The following CUX2 variants were observed in gnomAD, a reference collection of about 807,000 sequenced individuals.
The protein encoded by CUX2 is cut like homeobox 2.
In CUX2, 40 loss-of-function variants were observed where a neutral mutation model predicts 144.8. The ratio of observed to expected loss-of-function variants is 0.28; its 90% CI spans 0.21 to 0.36. The LOEUF is 0.36. Among genes scored for constraint, CUX2 ranks in the 10% least tolerant of loss-of-function variants. The pLI, the probability that CUX2 is intolerant of heterozygous loss-of-function variation, is 1.00. For synonymous variants in CUX2, 827 were observed against 875.6 expected (o/e 0.94, Z 0.98); for missense variants, 1,615 against 1,994.0 (o/e 0.81, Z 3.62).
In CUX2 at chr12:111,349,580, A is replaced by ATCCCAGCCTCCAAATCTATCC. The variant is rs1888967774; in HGVS notation, c.*1259_*1279dup. 6.6e-6 allele frequency: 1 copy of ATCCCAGCCTCCAAATCTATCC among 152,216 alleles called. No homozygotes were observed. The highest frequency in any genetic ancestry group is 1.5e-5 in the Non-Finnish European group (1 of 68,064). The allele number at this position is 152,216 out of a possible 1,614,324, so 9.4% of individuals were successfully genotyped here. ...AAGTTCATCGCAGCATGTTCACCAT[A>ATCCCAGCCTCCAAATCTATCC]TCCCAGCCTCCAAATCTATCCTCCT... On this transcript the variant is annotated 3_prime_UTR_variant, in exon 22 of 22. Coordinates refer to ENST00000261726, the MANE Select transcript of CUX2 (RefSeq NM_015267.4).
At chr12:111,330,468 C>T (rs1317243573) in intron 18 of CUX2, among the ~76,000 whole-genome samples, 1 of 151,574 alleles carries the variant, frequency 6.6e-6, no homozygotes, top group Non-Finnish European at 1.5e-5. Context: ...CTCTCTGAAC[C>T]TCGGTTTCCT....
Position 111,320,095 on chromosome 12 carries a change from A to C in CUX2, c.2086A>C (p.Ile696Leu), listed in dbSNP as rs986728407. 68 of 1,557,800 alleles carry C rather than the reference A, an allele frequency of 4.4e-5. No homozygotes were observed. The Admixed American group carries it at 4.7e-4, about 11-fold the overall frequency. Residue 696 changes from isoleucine to leucine, a missense_variant, in exon 17 of 22, where the codon ATC becomes CTC. Physicochemically the swap from Ile to Leu is conservative, Grantham distance 5. Around this residue, in one of 12 missense-constraint regions of CUX2, gnomAD observed 390 missense variants for 387.1 expected, o/e 1.01. Coordinates refer to ENST00000261726, the MANE Select transcript of CUX2 (RefSeq NM_015267.4). The surrounding 1 kb of genome is among the most constrained non-coding windows in gnomAD (Gnocchi z 8.1). The part of the protein sequence containing the change: ...ASTSEDAIKS[I>L]LEQARREMQA... ...CACCTCGGAGGACGCCATCAAGAGC[A>C]TCCTGGAGCAGGCACGCCGTGAGAT...
chr12:111,262,334 T>G (rs1009119243), intron 3 of CUX2, among the ~76,000 whole-genome samples: 1 of 152,014 alleles, frequency 6.6e-6, no homozygotes, highest in Non-Finnish European at 1.5e-5. Flanking sequence ...CCAGGGACTT[T>G]CTCAGACTAA....
chr12:111,076,574 A>T (rs2136037057), intron 1 of CUX2, among the ~76,000 whole-genome samples: 1 of 152,312 alleles, frequency 6.6e-6, no homozygotes, highest in African/African-American at 2.4e-5. Flanking sequence ...AGCCAGTGGG[A>T]GCTTCTGTGC....
chr12:111,188,887 T>G (rs2136191393), intron 1 of CUX2, among the ~76,000 whole-genome samples: 1 of 152,264 alleles, frequency 6.6e-6, no homozygotes, highest in South Asian at 2.1e-4. Flanking sequence ...GAGGATGGGC[T>G]TTGTGGCCGT....
chr12:111,167,743 G>T (rs1455517541), intron 1 of CUX2, among the ~76,000 whole-genome samples: 1 of 152,044 alleles, frequency 6.6e-6, no homozygotes, highest in Non-Finnish European at 1.5e-5. Flanking sequence ...TGCCCAGGCT[G>T]GAGTGCAGTG....
chr12:111,348,052 C>T lies in CUX2; in HGVS notation c.4188C>T (p.Asn1396=), dbSNP rs998743011. 1 of 1,614,010 alleles carries T rather than the reference C, an allele frequency of 6.2e-7. No homozygotes were observed. The highest frequency in any genetic ancestry group is 1.3e-5 in the African/African-American group (1 of 74,904). ...GCTGCAGCCTGGAGGTGTCACTGAACTCGCCCTCGGCCGCCTCCTCACCAG... is the reference window on the plus strand; with the variant it reads ...GCTGCAGCCTGGAGGTGTCACTGAATTCGCCCTCGGCCGCCTCCTCACCAG... ...SSRCSLEVSL[N]SPSAASSPGL... Residue 1396 remains asparagine, a synonymous_variant, in exon 22 of 22, where the codon AAC becomes AAT. Transcript: ENST00000261726.
At chr12:111,269,452 G>A (rs1249675254) in intron 4 of CUX2, among the ~76,000 whole-genome samples, 2 of 152,136 alleles carry the variant, frequency 1.3e-5, no homozygotes, top group South Asian at 2.1e-4. Context: ...TGGACACTGG[G>A]AACACAGCTG....
intron 1 of CUX2, among the ~76,000 whole-genome samples, chr12:111,124,704 C>A (rs1427128514): frequency 2.6e-5 from 4 of 152,010 alleles, no homozygotes; most frequent in Non-Finnish European, 5.9e-5. Flanking sequence ...GCTTATCTTG[C>A]CTGATGCTGA....
In CUX2 at chr12:111,034,860, GGCCGCCGCC is replaced by G. The variant is rs956434405; in HGVS notation, c.63+630_63+638del. On this transcript the variant is annotated intron_variant, in intron 1 of 21. Transcript: ENST00000261726. This position sits in a 1 kb window ranked among gnomAD's most constrained non-coding sequence, Gnocchi z 4.2. ...CAGCCCGGACGCGCCGCCACCCGGG[GGCCGCCGCC>G]GCCGCCGCCAGAGCCGCCGCCGCCG... Among the ~76,000 whole-genome samples, 5 of 148,774 alleles carry G rather than the reference GGCCGCCGCC, an allele frequency of 3.4e-5. No individual in the cohort carries two copies. Among genetic ancestry groups the G allele is most frequent in the Admixed American group, 6.7e-5 (1 of 14,986 alleles).
rs553465969 is a variant in CUX2 at position 111,325,064 on chromosome 12, T to C, written c.2926+2484T>C. Among the ~76,000 whole-genome samples, 132 of 150,264 alleles carry C rather than the reference T, an allele frequency of 8.8e-4. 2 individuals carry two copies. Among genetic ancestry groups the C allele is most frequent in the African/African-American group, 3.1e-3 (128 of 40,722 alleles). Reference sequence around the variant, plus strand: ...ACTTTGGGAGGCTGAGGCAGGCGGATCACAAGGTCAGGAGATTGAGACCAT... The same window carrying C: ...ACTTTGGGAGGCTGAGGCAGGCGGACCACAAGGTCAGGAGATTGAGACCAT... On this transcript the variant is annotated intron_variant, in intron 18 of 21. Transcript: ENST00000261726.
intron 1 of CUX2, among the ~76,000 whole-genome samples, chr12:111,072,742 T>G (rs1205830051): frequency 1.3e-5 from 2 of 152,240 alleles, no homozygotes; most frequent in African/African-American, 4.8e-5. Context: ...TTACAGTCTC[T>G]GGTTCTATTT....
rs1196607634 is a variant in CUX2 at position 111,171,209 on chromosome 12, G to A, written c.64-42991G>A. On this transcript the variant is annotated intron_variant, in intron 1 of 21. Transcript: ENST00000261726. The surrounding 1 kb of genome is among the most constrained non-coding windows in gnomAD (Gnocchi z 5.0). ...CCCCCAGTCTGATGGACGGGGTGCA[G>A]AGTATGGAAGGAAAGCCTCGAGTTT... Among the ~76,000 whole-genome samples, 1 of 152,154 alleles carries A rather than the reference G, an allele frequency of 6.6e-6. No homozygotes were observed. Among genetic ancestry groups the A allele is most frequent in the Non-Finnish European group, 1.5e-5 (1 of 68,012 alleles).
chr12:111,327,379 G>A (rs555819234), intron 18 of CUX2, among the ~76,000 whole-genome samples: 5 of 152,096 alleles, frequency 3.3e-5, no homozygotes, highest in South Asian at 2.1e-4. Context: ...TCAGTTCTTC[G>A]AACATATATC....
intron 1 of CUX2, among the ~76,000 whole-genome samples, chr12:111,045,293 C>G (rs930932787): frequency 6.6e-6 from 1 of 152,138 alleles, no homozygotes; most frequent in African/African-American, 2.4e-5. Flanking sequence ...CCCAGTTTTT[C>G]TATCTAGAAT....
Position 111,334,634 on chromosome 12 carries a change from C to T in CUX2, c.3120C>T (p.Ile1040=), listed in dbSNP as rs1405869296. 1.2e-5 allele frequency: 20 copies of T among 1,613,884 alleles called. No individual in the cohort carries two copies. Among genetic ancestry groups the T allele is most frequent in the Non-Finnish European group, 1.5e-5 (18 of 1,180,022 alleles). ...AGGCCCCAGGGGGCATCCAGGAGAT[C>T]GTGGCCATGTCCCCCGAGCTGGACA... ...GSQAPGGIQE[I]VAMSPELDTY... The change falls in exon 19 of 22, where the codon ATC becomes ATT. Residue 1040 remains isoleucine (I), a synonymous_variant. Coordinates refer to ENST00000261726, the MANE Select transcript of CUX2 (RefSeq NM_015267.4).
intron 10 of CUX2, among the ~76,000 whole-genome samples, chr12:111,305,732 A>C (rs1886546424): frequency 6.6e-6 from 1 of 152,140 alleles, no homozygotes; most frequent in Non-Finnish European, 1.5e-5. Flanking sequence ...ATGCTCACTA[A>C]GTACTTGATG....
chr12:111,308,696 C>G (rs1056616122), intron 14 of CUX2, among the ~76,000 whole-genome samples, 170 bp downstream of exon 14: 3 of 152,206 alleles, frequency 2.0e-5, no homozygotes, highest in African/African-American at 7.2e-5. Context: ...AGGGCATCCA[C>G]AAACACCCAC....
intron 1 of CUX2, among the ~76,000 whole-genome samples, chr12:111,133,997 G>C (rs191879429): frequency 1.3e-5 from 2 of 152,224 alleles, no homozygotes; most frequent in East Asian, 3.9e-4. Context: ...ACCCTACAAG[G>C]CTAGGAGTTC....
Sources: gnomAD v4.1 joint callset for allele counts (sites outside exome capture counted in the v4.1 genomes callset) on GRCh38, gnomAD v4.1.1 for gene constraint, gnomAD v4.1.1 regional missense constraint, Gnocchi (gnomAD v3.1) non-coding constraint, MANE v1.5 for transcripts, NCBI Gene and HGNC (gene_info 2026-07-23, HGNC 2026-07-21) for gene names.